Variants in TPP2 observed in about 807,000 individuals in gnomAD.
The protein encoded by TPP2 is tripeptidyl-peptidase 2.
TPP2 carries 34 observed loss-of-function variants against 155.9 expected under a neutral mutation model. The ratio of observed to expected loss-of-function variants is 0.22; its 90% CI spans 0.17 to 0.29. The LOEUF (loss-of-function observed/expected upper bound fraction) is 0.29, where lower values mean the gene tolerates loss of function less well. Ranked by LOEUF, TPP2 falls within the 10% of genes least tolerant of loss-of-function variation. The pLI is 1.00. For missense variants in TPP2, 1,028 were observed against 1,522.3 expected, an observed-to-expected ratio of 0.68 and a Z score of 5.40; for synonymous variants, 510 against 529.4, an observed-to-expected ratio of 0.96 and a Z score of 0.50.
chr13:102,673,025 A>G (rs916429047), intron 27 of TPP2, among the ~76,000 whole-genome samples: 1 of 152,200 alleles, frequency 6.6e-6, no homozygotes, highest in Non-Finnish European at 1.5e-5. Flanking sequence ...GAATTTCTCT[A>G]CTACCCACAT....
intron 24 of TPP2, among the ~76,000 whole-genome samples, chr13:102,656,430 G>C (rs902996760): frequency 1.3e-5 from 2 of 152,088 alleles, no homozygotes; most frequent in Non-Finnish European, 2.9e-5. Flanking sequence ...ATTGAGGGTC[G>C]TTTGCGTAAG....
intron 3 of TPP2, among the ~76,000 whole-genome samples, chr13:102,614,972 C>T (rs993022972): frequency 2.0e-5 from 3 of 152,112 alleles, no homozygotes; most frequent in African/African-American, 7.2e-5. Context: ...ATACAAGTAG[C>T]TGATACAAGT....
At chr13:102,666,745 C>CTTTT (rs60629451) in intron 27 of TPP2, among the ~76,000 whole-genome samples, 68,229 of 127,348 alleles carry the variant, frequency 0.54, 17,100 homozygotes, top group African/African-American at 0.63. Context: ...TCTTATTGGT[C>CTTTT]TTTATCACTG....
intron 15 of TPP2, among the ~76,000 whole-genome samples, chr13:102,638,926 C>A (rs943302803): frequency 6.6e-6 from 1 of 152,206 alleles, no homozygotes; most frequent in Non-Finnish European, 1.5e-5. Flanking sequence ...TCCTGTCATT[C>A]CGTACACCAA....
At chr13:102,630,767 A>T (rs1007039468) in intron 10 of TPP2, among the ~76,000 whole-genome samples, 2 of 152,176 alleles carry the variant, frequency 1.3e-5, no homozygotes, top group Non-Finnish European at 2.9e-5. Flanking sequence ...ATTAAGTCCT[A>T]ATTTATGTAA....
intron 29 of TPP2, among the ~76,000 whole-genome samples, chr13:102,677,392 C>T (rs2139628840): frequency 6.6e-6 from 1 of 152,228 alleles, no homozygotes; most frequent in South Asian, 2.1e-4. Context: ...TGCCTGTTCT[C>T]CACACAGCAG....
intron 27 of TPP2, among the ~76,000 whole-genome samples, chr13:102,666,359 G>C (rs959346239): frequency 2.0e-5 from 3 of 152,156 alleles, no homozygotes; most frequent in Non-Finnish European, 4.4e-5. Context: ...CACAGAAAAA[G>C]GAGCATCGTC....
chr13:102,620,861 CT>C (rs1881109968), intron 5 of TPP2, among the ~76,000 whole-genome samples: 1 of 152,114 alleles, frequency 6.6e-6, no homozygotes, highest in African/African-American at 2.4e-5. Flanking sequence ...GGATTTTGAC[CT>C]TGCTTATGTC....
chr13:102,618,083 C>T (rs1217309155), intron 4 of TPP2, among the ~76,000 whole-genome samples: 2 of 152,146 alleles, frequency 1.3e-5, no homozygotes, highest in Non-Finnish European at 1.5e-5. Context: ...TATATACACT[C>T]TAGGTTAGAG....
At chr13:102,606,623 C>T (rs553801204) in intron 2 of TPP2, among the ~76,000 whole-genome samples, 20 of 152,244 alleles carry the variant, frequency 1.3e-4, no homozygotes, top group Non-Finnish European at 1.5e-4. Flanking sequence ...TTCAGGCCCG[C>T]TGAGAATCAT....
intron 3 of TPP2, 64 bp from the exon 4 acceptor site, chr13:102,616,332 G>C (rs1229344220): frequency 1.6e-6 from 2 of 1,287,756 alleles, no homozygotes; most frequent in East Asian, 4.7e-5. Context: ...ACATATAAAT[G>C]CCTGTCTAGG....
intron 6 of TPP2, among the ~76,000 whole-genome samples, chr13:102,624,494 C>G (rs1813472800): frequency 6.6e-6 from 1 of 152,188 alleles, no homozygotes; most frequent in African/African-American, 2.4e-5. Flanking sequence ...AGTTTGCTCT[C>G]TCTATTATCC....
chr13:102,635,295 C>T (rs1882292174), intron 11 of TPP2, among the ~76,000 whole-genome samples: 1 of 152,186 alleles, frequency 6.6e-6, no homozygotes, highest in African/African-American at 2.4e-5. Context: ...ATGTCATTCA[C>T]ATGCTTTTAG....
intron 25 of TPP2, among the ~76,000 whole-genome samples, chr13:102,658,783 T>C (rs1052788437): frequency 1.3e-5 from 2 of 152,118 alleles, no homozygotes; most frequent in Non-Finnish European, 2.9e-5. Flanking sequence ...GCTTTCCTCC[T>C]TGGAGGAGGA....
Position 102,596,993 on chromosome 13 carries a change from G to A in TPP2, c.-46G>A. On this transcript the variant is annotated 5_prime_UTR_variant, in exon 1 of 30. Transcript: ENST00000376052. Reference sequence around the variant, plus strand: ...GGGTGTCCTCGCGCTGCTAGTCCGCGCGCAGCCTGGCAGTTTGCCGCTTCC... The same window carrying A: ...GGGTGTCCTCGCGCTGCTAGTCCGCACGCAGCCTGGCAGTTTGCCGCTTCC... 6.3e-7 allele frequency: 1 copy of A among 1,597,028 alleles called. No homozygotes were observed. The highest frequency in any genetic ancestry group is 8.5e-7 in the Non-Finnish European group (1 of 1,172,478).
At chr13:102,674,242 A>G in intron 27 of TPP2, 41 bp from the exon 28 acceptor site, 1 of 1,577,328 alleles carries the variant, frequency 6.3e-7, no homozygotes, top group South Asian at 1.2e-5. Context: ...TTTTAAAGAC[A>G]TTTTACTGAT....
chr13:102,625,961 G>A (rs890909707), intron 6 of TPP2, among the ~76,000 whole-genome samples: 11 of 152,104 alleles, frequency 7.2e-5, no homozygotes, highest in African/African-American at 2.7e-4. Flanking sequence ...TTTTGTTTTA[G>A]TATTACTTTA....
At chr13:102,672,118 A>G (rs916377634) in intron 27 of TPP2, among the ~76,000 whole-genome samples, 1 of 152,136 alleles carries the variant, frequency 6.6e-6, no homozygotes, top group Non-Finnish European at 1.5e-5. Context: ...CCCTCAGACT[A>G]TGGCCGAGTG....
chr13:102,631,986 C>T (rs757343460), intron 10 of TPP2, among the ~76,000 whole-genome samples: 4 of 152,222 alleles, frequency 2.6e-5, no homozygotes, highest in Non-Finnish European at 5.9e-5. Flanking sequence ...CAGTGGCTCA[C>T]GCCTGTAATC....
Sources: gnomAD v4.1 joint callset for allele counts (sites outside exome capture counted in the v4.1 genomes callset) on GRCh38, gnomAD v4.1.1 for gene constraint, MANE v1.5 for transcripts, NCBI Gene and HGNC (gene_info 2026-07-23, HGNC 2026-07-21) for gene names.